Variants in DCC observed in about 807,000 individuals in gnomAD.
DCC encodes DCC netrin 1 receptor, also known as netrin receptor DCC.
DCC carries 58 observed loss-of-function variants against 172.5 expected under a neutral mutation model. The ratio of observed to expected loss-of-function variants is 0.34; its 90% CI spans 0.27 to 0.42. DCC has a LOEUF of 0.42. DCC is among the 10% of genes least tolerant of loss of function. The pLI, the probability that DCC is intolerant of heterozygous loss-of-function variation, is 1.00. For missense variants in DCC, 1,740 were observed against 1,791.0 expected (o/e 0.97, Z 0.51); for synonymous variants, 709 against 644.5 (o/e 1.10, Z -1.52).
intron 12 of DCC, among the ~76,000 whole-genome samples, chr18:53,290,670 T>C (rs1216893190): frequency 6.6e-6 from 1 of 152,190 alleles, no homozygotes; most frequent in Non-Finnish European, 1.5e-5. Context: ...TCACAAGATC[T>C]TATTTCCTTA....
At chr18:52,475,915 C>T (rs533119449) in intron 1 of DCC, among the ~76,000 whole-genome samples, 2 of 152,300 alleles carry the variant, frequency 1.3e-5, no homozygotes, top group African/African-American at 2.4e-5. Flanking sequence ...CCATCTTCTT[C>T]ACCTTATATG....
intron 2 of DCC, among the ~76,000 whole-genome samples, chr18:52,852,535 A>C (rs146939737): frequency 5.3e-5 from 8 of 152,302 alleles, no homozygotes; most frequent in Admixed American, 1.3e-4. Flanking sequence ...AATCAATACA[A>C]GGTGAAAATG....
chr18:52,572,107 T>C (rs937967228), intron 1 of DCC, among the ~76,000 whole-genome samples: 3 of 152,148 alleles, frequency 2.0e-5, no homozygotes, highest in Non-Finnish European at 2.9e-5. Flanking sequence ...GTTTGGAACA[T>C]CCAAAGTCAT....
At chr18:52,762,570 T>C (rs945766710) in intron 2 of DCC, among the ~76,000 whole-genome samples, 1 of 152,148 alleles carries the variant, frequency 6.6e-6, no homozygotes, top group East Asian at 1.9e-4. Flanking sequence ...ATGCCTGTAA[T>C]CCCAACACTT....
chr18:53,114,148 T>C (rs974934766), intron 7 of DCC, among the ~76,000 whole-genome samples: 1 of 151,560 alleles, frequency 6.6e-6, no homozygotes, highest in Admixed American at 6.6e-5. Flanking sequence ...CTCATGTTTA[T>C]GTAAATGACA....
intron 5 of DCC, among the ~76,000 whole-genome samples, chr18:53,035,820 C>G (rs1479136451): frequency 6.6e-6 from 1 of 151,968 alleles, no homozygotes; most frequent in African/African-American, 2.4e-5. Flanking sequence ...ATATTTGATC[C>G]AGTTTTTCTC....
intron 23 of DCC, 85 bp from the exon 24 acceptor site, chr18:53,459,147 G>A: frequency 8.9e-7 from 1 of 1,124,192 alleles, no homozygotes; most frequent in Non-Finnish European, 1.3e-6. Flanking sequence ...TTCCTTTCCT[G>A]CTTCTAACTT....
intron 1 of DCC, among the ~76,000 whole-genome samples, chr18:52,735,697 A>G (rs2036716992): frequency 6.6e-6 from 1 of 152,088 alleles, no homozygotes; most frequent in Non-Finnish European, 1.5e-5. Flanking sequence ...AGAAGGATGG[A>G]GGCTGGAAGA....
At chr18:52,820,284 G>A (rs942286465) in intron 2 of DCC, among the ~76,000 whole-genome samples, 2 of 152,118 alleles carry the variant, frequency 1.3e-5, no homozygotes, top group African/African-American at 4.8e-5. Flanking sequence ...TGAAACTGAT[G>A]ATGATTTTCC....
chr18:53,380,238 T>C (rs1907613185), intron 15 of DCC, among the ~76,000 whole-genome samples: 4 of 152,170 alleles, frequency 2.6e-5, no homozygotes, highest in Admixed American at 1.3e-4. Context: ...TCTGAGCATG[T>C]GCAGGAAAAT....
At chr18:52,394,014 C>T (rs929103585) in intron 1 of DCC, among the ~76,000 whole-genome samples, 4 of 152,018 alleles carry the variant, frequency 2.6e-5, no homozygotes, top group African/African-American at 9.7e-5. Context: ...AGTACCCTAC[C>T]TACTGGTAAA....
At chr18:52,862,534 C>T (rs2039159538) in intron 2 of DCC, among the ~76,000 whole-genome samples, 1 of 151,926 alleles carries the variant, frequency 6.6e-6, no homozygotes, top group African/African-American at 2.4e-5. Context: ...CCCATCTCTA[C>T]TAAAAATACA....
chr18:52,390,421 G>A (rs1231807854), intron 1 of DCC, among the ~76,000 whole-genome samples: 1 of 152,076 alleles, frequency 6.6e-6, no homozygotes, highest in African/African-American at 2.4e-5. Context: ...AAGCCTGGCA[G>A]AGGTTTACCC....
At chr18:52,660,016 A>T (rs963588491) in intron 1 of DCC, among the ~76,000 whole-genome samples, 1 of 152,192 alleles carries the variant, frequency 6.6e-6, no homozygotes, top group Admixed American at 6.5e-5. Context: ...GAGCTTGAAA[A>T]TGATGCAGAA....
At chr18:53,065,879 CTT>C (rs776846310) in intron 6 of DCC, among the ~76,000 whole-genome samples, 165 bp from the exon 7 acceptor site, 12 of 152,136 alleles carry the variant, frequency 7.9e-5, no homozygotes, top group Non-Finnish European at 1.3e-4. Context: ...GAAGGTATGA[CTT>C]TTCCCAGGTG....
intron 1 of DCC, among the ~76,000 whole-genome samples, chr18:52,748,099 G>C (rs1170933386): frequency 1.3e-5 from 2 of 152,166 alleles, no homozygotes; most frequent in Non-Finnish European, 2.9e-5. Context: ...TGAGGGGTGT[G>C]TGAGTGAGTG....
At position 53,354,710 on chromosome 18, in the gene DCC, C is replaced by T. The variant is rs1213244830; in HGVS notation, c.2359+14803C>T. ...AAATTTTCTCCCATTCTGTAGGTTG[C>T]CTGTTCACTCTGATGGTAGTTTCTT... is the stretch of plus-strand genomic sequence containing the variant. On this transcript the variant is annotated intron_variant, in intron 15 of 28. Coordinates refer to ENST00000442544, the MANE Select transcript of DCC (RefSeq NM_005215.4). Among the ~76,000 whole-genome samples the T allele has an allele frequency of 2.2e-4, 34 of 151,242 alleles. No individual in the cohort carries two copies. The East Asian group carries it at 6.4e-3, about 29-fold the overall frequency.
chr18:52,872,639 T>C (rs12605590), intron 2 of DCC, among the ~76,000 whole-genome samples: 11,842 of 152,268 alleles, frequency 0.078, 834 homozygotes, highest in East Asian at 0.29. Flanking sequence ...TGGTCTGTGA[T>C]AGACATTACT....
chr18:53,428,078 TATTATAATAATATATAATATATAATATAA>T (rs1911144753), intron 21 of DCC, among the ~76,000 whole-genome samples: 1 of 44,020 alleles, frequency 2.3e-5, no homozygotes, highest in African/African-American at 6.9e-5. Context: ...TCATATAATA[TATTATAATAATATATAATATATAATATAA>T]TATAATAATA....
Sources: gnomAD v4.1 joint callset for allele counts (sites outside exome capture counted in the v4.1 genomes callset) on GRCh38, gnomAD v4.1.1 for gene constraint, MANE v1.5 for transcripts, NCBI Gene and HGNC (gene_info 2026-07-23, HGNC 2026-07-21) for gene names.